The following MDFI variants were observed in gnomAD, a reference collection of about 807,000 sequenced individuals.
MDFI encodes the protein inhibitor of MyoD family a.
Under a neutral mutation model 22.3 loss-of-function variants are expected in MDFI, and 16 were observed. The ratio of observed to expected loss-of-function variants is 0.72; its 90% CI spans 0.49 to 1.09. MDFI has a LOEUF of 1.09. Among genes scored for constraint, MDFI ranks in the 50% least tolerant of loss-of-function variants. MDFI has a pLI of 0.00. For missense variants in MDFI, 314 were observed against 326.1 expected, an observed-to-expected ratio of 0.96 and a Z score of 0.29; for synonymous variants, 145 against 142.7, an observed-to-expected ratio of 1.02 and a Z score of -0.12.
rs1247382684 is a variant in MDFI, at chr6:41,649,797, C to A, written c.438C>A (p.Ser146Arg). 1 of 1,613,948 alleles carries A rather than the reference C, an allele frequency of 6.2e-7. No homozygotes were observed. The highest frequency in any genetic ancestry group is 8.5e-7 in the Non-Finnish European group (1 of 1,180,010). Residue 146 changes from serine (S) to arginine (R), a missense_variant, in exon 4 of 5, where the codon AGC (serine) becomes AGA (arginine). Physicochemically the swap from Ser to Arg is moderately radical, Grantham distance 110. Coordinates refer to ENST00000230321, the MANE Select transcript of MDFI (RefSeq NM_005586.4). The part of the protein sequence containing the change: ...LASQGSKKSK[S>R]SSKSTTSQIP... ...GCCAGGGCAGCAAGAAGAGTAAGAG[C>A]AGCAGCAAATCCACCACCTCCCAGA...
chr6:41,646,360 G>A (rs1768053616), intron 3 of MDFI, 52 bp downstream of exon 3: 1 of 1,361,590 alleles, frequency 7.3e-7, no homozygotes, highest in Non-Finnish European at 9.5e-7. Flanking sequence ...GGTTGCACTA[G>A]GGAACTCAAC....
intron 2 of MDFI, among the ~76,000 whole-genome samples, chr6:41,645,870 G>A (rs1402971914): frequency 3.9e-5 from 6 of 151,924 alleles, no homozygotes; most frequent in Non-Finnish European, 8.8e-5. Context: ...TGCCATCTCT[G>A]CCCCTCCCGA....
At chr6:41,651,284 C>T (rs1360784381) in intron 4 of MDFI, among the ~76,000 whole-genome samples, 3 of 149,368 alleles carry the variant, frequency 2.0e-5, no homozygotes, top group Non-Finnish European at 4.5e-5. Flanking sequence ...AATCGCCATA[C>T]GATGTGATAA....
At position 41,638,483 on chromosome 6, in the gene MDFI, A is replaced by G; in HGVS notation, c.-181A>G. Reference sequence around the variant, plus strand: ...GAGAGAAGGAAGAAGGAAGGGGCGAACGGCGTGAGCTGGCGCCGAAATGGG... The same window carrying G: ...GAGAGAAGGAAGAAGGAAGGGGCGAGCGGCGTGAGCTGGCGCCGAAATGGG... On this transcript the variant is annotated 5_prime_UTR_variant, in exon 1 of 5. Transcript: ENST00000230321. The surrounding 1 kb of genome is among the most constrained non-coding windows in gnomAD (Gnocchi z 7.6). The G allele has an allele frequency of 2.0e-6, 1 of 500,924 alleles. No individual in the cohort carries two copies. The highest frequency in any genetic ancestry group is 2.4e-5 in the South Asian group (1 of 41,412). 31.0% of individuals were successfully genotyped at this position (500,924 alleles called of 1,614,324 possible). A position where few individuals can be genotyped will look rare whatever the true frequency, so the allele number is the denominator to read the frequency against.
At chr6:41,641,796 C>T (rs1177429881) in intron 2 of MDFI, among the ~76,000 whole-genome samples, 1 of 152,174 alleles carries the variant, frequency 6.6e-6, no homozygotes, top group Non-Finnish European at 1.5e-5. Context: ...GGCTGAAACT[C>T]CCATGGGCAC....
At chr6:41,643,544 AGGAG>A (rs1289011963) in intron 2 of MDFI, among the ~76,000 whole-genome samples, 97 of 101,814 alleles carry the variant, frequency 9.5e-4, no homozygotes, top group East Asian at 7.1e-3. Flanking sequence ...GAAGGAGGGA[AGGAG>A]GGAAGGAAGG....
intron 3 of MDFI, among the ~76,000 whole-genome samples, chr6:41,647,274 A>AG (rs1768086029): frequency 6.6e-6 from 1 of 152,196 alleles, no homozygotes; most frequent in South Asian, 2.1e-4. Flanking sequence ...GTGAGCCCTG[A>AG]GTGTTTGCTC....
chr6:41,652,023 GA>G (rs1167799922), intron 4 of MDFI, among the ~76,000 whole-genome samples: 1 of 152,248 alleles, frequency 6.6e-6, no homozygotes, highest in Non-Finnish European at 1.5e-5. Flanking sequence ...AGATGACAAT[GA>G]ATATGAGGAA....
chr6:41,647,419 G>A (rs1768091570), intron 3 of MDFI, among the ~76,000 whole-genome samples: 1 of 152,232 alleles, frequency 6.6e-6, no homozygotes, highest in African/African-American at 2.4e-5. Context: ...AAGGGGCACC[G>A]AAGCTGGCCA....
upstream of MDFI, among the ~76,000 whole-genome samples, chr6:41,637,654 C>T (rs556012139): frequency 2.6e-5 from 4 of 152,264 alleles, no homozygotes; most frequent in South Asian, 8.3e-4. This position sits in a 1 kb window ranked among gnomAD's most constrained non-coding sequence, Gnocchi z 6.8. Flanking sequence ...GCGGCTTCTT[C>T]CTACCACCAC....
chr6:41,653,250 C>T lies in MDFI; in HGVS notation c.485-69C>T. On this transcript the variant is annotated intron_variant, in intron 4 of 4. Transcript: ENST00000230321. The surrounding 1 kb of genome is among the most constrained non-coding windows in gnomAD (Gnocchi z 4.2). ...TGCCGCTGCCGCAGGCCCCCACACC[C>T]CCGGCTATTTCACACACGCTCATCC... The T allele has an allele frequency of 1.3e-6, 2 of 1,541,566 alleles. No individual in the cohort carries two copies. The highest frequency in any genetic ancestry group is 1.8e-6 in the Non-Finnish European group (2 of 1,132,478).
intron 2 of MDFI, chr6:41,639,302 G>A: frequency 3.0e-6 from 3 of 985,250 alleles, no homozygotes; most frequent in Non-Finnish European, 3.6e-6. Context: ...GCAGGACCCA[G>A]CCCCTCCCCT....
chr6:41,638,775 C>G lies in MDFI; in HGVS notation c.26C>G (p.Pro9Arg), dbSNP rs760805003. Residue 9 changes from proline to arginine, a missense_variant, in exon 2 of 5, where the codon CCC (proline) becomes CGC (arginine). Pro to Arg is a moderately radical substitution (Grantham distance 103). Transcript: ENST00000230321. This position sits in a 1 kb window ranked among gnomAD's most constrained non-coding sequence, Gnocchi z 7.6. ...ATGTACCAGGTGAGCGGCCAGCGCC[C>G]CTCTGGCTGCGACGCGCCCTATGGA... MYQVSGQR[P>R]SGCDAPYGAP... 1.3e-6 allele frequency: 2 copies of G among 1,571,328 alleles called. No individual in the cohort carries two copies. The highest frequency in any genetic ancestry group is 1.7e-6 in the Non-Finnish European group (2 of 1,164,600).
rs1768369501 is a variant in MDFI, at chr6:41,653,603, G to A, written c.*28G>A. 6.3e-7 allele frequency: 1 copy of A among 1,597,164 alleles called. No individual in the cohort carries two copies. Among genetic ancestry groups the A allele is most frequent in the Non-Finnish European group, 8.5e-7 (1 of 1,178,068 alleles). The stretch of plus-strand genomic sequence containing the variant: ...CTCTGTCGGGGGCTAAGCCAGCCTG[G>A]CGCCCCTGCAGATTCCAGCAGGGTC... On this transcript the variant is annotated 3_prime_UTR_variant, in exon 5 of 5. Transcript: ENST00000230321. This position sits in a 1 kb window ranked among gnomAD's most constrained non-coding sequence, Gnocchi z 4.2.
At chr6:41,645,892 C>G (rs566357029) in intron 2 of MDFI, among the ~76,000 whole-genome samples, 1 of 152,356 alleles carries the variant, frequency 6.6e-6, no homozygotes, top group East Asian at 1.9e-4. Context: ...ACCACATGCA[C>G]ACGTGCACAC....
chr6:41,638,737 A>G lies in MDFI; in HGVS notation c.-11-2A>G. On this transcript the variant is annotated splice_acceptor_variant, in intron 1 of 4. Transcript: ENST00000230321. LOFTEE classifies it low-confidence loss of function (5UTR_SPLICE). This position sits in a 1 kb window ranked among gnomAD's most constrained non-coding sequence, Gnocchi z 7.6. ...CCGCCCGCTGAGCCCTGTTTTCCGC[A>G]GGTCCGGGGCCGATGTACCAGGTGA... 2.6e-6 allele frequency: 4 copies of G among 1,560,832 alleles called. No homozygotes were observed. The highest frequency in any genetic ancestry group is 3.5e-6 in the Non-Finnish European group (4 of 1,158,398).
At position 41,638,883 on chromosome 6, in the gene MDFI, C is replaced by CAGTTATT; in HGVS notation, c.76+63_76+69dup. On this transcript the variant is annotated intron_variant, in intron 2 of 4. Transcript: ENST00000230321. The surrounding 1 kb of genome is among the most constrained non-coding windows in gnomAD (Gnocchi z 7.6). ...GGGGCGGGTGGGCGGCTGAAGGGGCCAGTTATTAGTTCTCCTCTCCGTCCC... is the reference window on the plus strand; with the variant it reads ...GGGGCGGGTGGGCGGCTGAAGGGGCCAGTTATTAGTTATTAGTTCTCCTCTCCGTCCC... 1 of 1,486,830 alleles carries CAGTTATT rather than the reference C, an allele frequency of 6.7e-7. No homozygotes were observed. The highest frequency in any genetic ancestry group is 9.0e-7 in the Non-Finnish European group (1 of 1,111,342). The allele number at this position is 1,486,830 out of a possible 1,614,324, so 92.1% of individuals were successfully genotyped here. A position where few individuals can be genotyped will look rare whatever the true frequency, so the allele number is the denominator to read the frequency against.
In MDFI at chr6:41,653,292, G is replaced by T; in HGVS notation, c.485-27G>T. 6.3e-7 allele frequency: 1 copy of T among 1,576,222 alleles called. No homozygotes were observed. ...CGCTCATCCCTCCCCTCTCTCACCC[G>T]TCCCCCTCTCCACCGCCACCCCGCA... is the stretch of plus-strand genomic sequence containing the variant. On this transcript the variant is annotated intron_variant, in intron 4 of 4. Coordinates refer to ENST00000230321, the MANE Select transcript of MDFI (RefSeq NM_005586.4). This position sits in a 1 kb window ranked among gnomAD's most constrained non-coding sequence, Gnocchi z 4.2.
chr6:41,638,633 G>C lies in MDFI; in HGVS notation c.-31G>C. ...CGCGCGGGGATCCGGCTGGAAGAGAGCGTAGCACGGCTCGCACGAGTGAGT... is the reference window on the plus strand; with the variant it reads ...CGCGCGGGGATCCGGCTGGAAGAGACCGTAGCACGGCTCGCACGAGTGAGT... On this transcript the variant is annotated 5_prime_UTR_variant, in exon 1 of 5. Transcript: ENST00000230321. The surrounding 1 kb of genome is among the most constrained non-coding windows in gnomAD (Gnocchi z 7.6). 1 of 1,237,414 alleles carries C rather than the reference G, an allele frequency of 8.1e-7. No homozygotes were observed. Among genetic ancestry groups the C allele is most frequent in the Non-Finnish European group, 1.1e-6 (1 of 891,766 alleles). 76.7% of individuals were successfully genotyped at this position (1,237,414 alleles called of 1,614,324 possible). A position where few individuals can be genotyped will look rare whatever the true frequency, so the allele number is the denominator to read the frequency against.
Sources: allele counts gnomAD v4.1 joint callset (sites outside exome capture counted in the v4.1 genomes callset), GRCh38; gene constraint gnomAD v4.1.1; non-coding constraint Gnocchi (gnomAD v3.1); transcripts MANE v1.5; gene names NCBI Gene and HGNC (gene_info 2026-07-23, HGNC 2026-07-21).